Variants in FARS2 observed in about 807,000 individuals in gnomAD.
FARS2 encodes phenylalanine--tRNA ligase, mitochondrial.
Under a neutral mutation model 46.4 loss-of-function variants are expected in FARS2, and 40 were observed. That is an observed-to-expected ratio of 0.86 (90% CI 0.67 to 1.12). The LOEUF (loss-of-function observed/expected upper bound fraction) is 1.12. Among genes scored for constraint, FARS2 ranks in the 50% most tolerant of loss-of-function variants. The pLI is 0.00. For missense variants in FARS2, 513 were observed against 567.9 expected (o/e 0.90, Z 0.98); for synonymous variants, 234 against 214.9 (o/e 1.09, Z -0.78).
chr6:5,496,673 T>C (rs931303091), intron 4 of FARS2, among the ~76,000 whole-genome samples: 2 of 152,080 alleles, frequency 1.3e-5, no homozygotes, highest in African/African-American at 4.8e-5. Flanking sequence ...TGTGTCCTAA[T>C]CTCTTCTTCT....
intron 6 of FARS2, among the ~76,000 whole-genome samples, chr6:5,663,668 G>A (rs1449976330): frequency 6.6e-6 from 1 of 152,152 alleles, no homozygotes; most frequent in East Asian, 1.9e-4. Flanking sequence ...AGAAGGGGTG[G>A]CGCGGGCTCC....
chr6:5,485,763 G>C (rs1239359390), intron 4 of FARS2, among the ~76,000 whole-genome samples: 4 of 152,172 alleles, frequency 2.6e-5, no homozygotes. Flanking sequence ...CTGCTCTAGA[G>C]TGCCCTGTCC....
intron 1 of FARS2, among the ~76,000 whole-genome samples, chr6:5,285,763 G>A (rs1240506122): frequency 6.6e-6 from 1 of 152,178 alleles, no homozygotes; most frequent in Non-Finnish European, 1.5e-5. Flanking sequence ...ATCTCTGTGG[G>A]TAGTAAGGGG....
chr6:5,700,353 G>A (rs1347199466), intron 6 of FARS2, among the ~76,000 whole-genome samples: 1 of 151,950 alleles, frequency 6.6e-6, no homozygotes, highest in Non-Finnish European at 1.5e-5. Context: ...AGTTAACTTT[G>A]GGAGTTATAA....
chr6:5,647,099 G>A (rs1224109327), intron 6 of FARS2, among the ~76,000 whole-genome samples: 2 of 152,118 alleles, frequency 1.3e-5, no homozygotes, highest in South Asian at 4.1e-4. Flanking sequence ...TTTTTGTTGT[G>A]TTCCTCACCA....
chr6:5,404,620 C>T lies in FARS2; in HGVS notation c.691C>T (p.His231Tyr). Residue 231 changes from histidine to tyrosine, a missense_variant, in exon 3 of 7, where the codon CAC (histidine) becomes TAC (tyrosine). Coordinates refer to ENST00000274680, the MANE Select transcript of FARS2 (RefSeq NM_006567.5). Reference protein sequence around the residue: ...SSRSAHKQETHTMEAVKLVEF... With the variant: ...SSRSAHKQETYTMEAVKLVEF... ...TCGCTCTGCGCATAAACAAGAGACA[C>T]ACACCATGGAGGCCGTGAAGCTTGT... 1 of 1,613,356 alleles carries T rather than the reference C, an allele frequency of 6.2e-7. No homozygotes were observed. The highest frequency in any genetic ancestry group is 8.5e-7 in the Non-Finnish European group (1 of 1,179,494).
chr6:5,686,199 A>G lies in FARS2; in HGVS notation c.1217+72879A>G, dbSNP rs146568441. On this transcript the variant is annotated intron_variant, in intron 6 of 6. Coordinates refer to ENST00000274680, the MANE Select transcript of FARS2 (RefSeq NM_006567.5). ...ATGATAACAGTCTTTCTTTCTATGAACTTTTTTTAATTATTATTATACTTT... is the reference window on the plus strand; with the variant it reads ...ATGATAACAGTCTTTCTTTCTATGAGCTTTTTTTAATTATTATTATACTTT... Among the ~76,000 whole-genome samples the G allele has an allele frequency of 3.1e-3, 401 of 128,998 alleles. 1 individual carries two copies. The highest frequency in any genetic ancestry group is 0.011 in the African/African-American group (378 of 33,408). 84.6% of individuals were successfully genotyped at this position (128,998 alleles called of 152,430 possible).
intron 4 of FARS2, among the ~76,000 whole-genome samples, chr6:5,517,988 A>G (rs1327216947): frequency 6.6e-6 from 1 of 152,204 alleles, no homozygotes; most frequent in African/African-American, 2.4e-5. Flanking sequence ...AAATTAGGGC[A>G]TGGAAAGTCT....
At chr6:5,478,872 A>T (rs1458655553) in intron 4 of FARS2, among the ~76,000 whole-genome samples, 2 of 152,144 alleles carry the variant, frequency 1.3e-5, no homozygotes, top group Non-Finnish European at 2.9e-5. Context: ...CCAAGGAGAG[A>T]GTGCTCAGGC....
In FARS2 at chr6:5,558,045, T is replaced by C. The variant is rs547082297; in HGVS notation, c.1065+12705T>C. ...GGAACTCTCAAATGTTGATCAGAACTAATTCAAATGGAAAAGTCAAGGTTC... is the reference window on the plus strand; with the variant it reads ...GGAACTCTCAAATGTTGATCAGAACCAATTCAAATGGAAAAGTCAAGGTTC... On this transcript the variant is annotated intron_variant, in intron 5 of 6. Transcript: ENST00000274680. 8.5e-4 allele frequency among the ~76,000 whole-genome samples: 129 copies of C among 152,256 alleles called. 7 individuals carry two copies. The South Asian group carries it at 0.023, about 28-fold the overall frequency.
chr6:5,535,755 T>C (rs574325817), intron 4 of FARS2, among the ~76,000 whole-genome samples: 1 of 152,368 alleles, frequency 6.6e-6, no homozygotes, highest in Admixed American at 6.5e-5. Flanking sequence ...TTGGACTTTG[T>C]CAGATGCATT....
At chr6:5,396,624 A>C (rs1760918358) in intron 2 of FARS2, among the ~76,000 whole-genome samples, 1 of 152,208 alleles carries the variant, frequency 6.6e-6, no homozygotes, top group Admixed American at 6.5e-5. Context: ...ATTTTGTTAC[A>C]ATTTTTAGGC....
chr6:5,341,729 G>T (rs1771672363), intron 1 of FARS2, among the ~76,000 whole-genome samples: 1 of 152,038 alleles, frequency 6.6e-6, no homozygotes, highest in South Asian at 2.1e-4. Flanking sequence ...ATATTGGCCA[G>T]GCTGGTCTTG....
chr6:5,392,624 G>T (rs894337747), intron 2 of FARS2, among the ~76,000 whole-genome samples: 2 of 151,520 alleles, frequency 1.3e-5, no homozygotes, highest in African/African-American at 4.9e-5. Context: ...GGCTTAAGTG[G>T]GAGGATTGCT....
At chr6:5,536,919 A>AT (rs544161776) in intron 4 of FARS2, among the ~76,000 whole-genome samples, 7 of 152,194 alleles carry the variant, frequency 4.6e-5, no homozygotes, top group Non-Finnish European at 1.0e-4. Flanking sequence ...TGAAAAGCTA[A>AT]TTTTGTTGGA....
intron 6 of FARS2, among the ~76,000 whole-genome samples, chr6:5,637,424 C>A (rs1316188352): frequency 6.6e-6 from 1 of 152,330 alleles, no homozygotes; most frequent in South Asian, 2.1e-4. Context: ...TGCAGCGTTC[C>A]TGGCTGCCTT....
At position 5,568,176 on chromosome 6, in the gene FARS2, T is replaced by G. The variant is rs530015604; in HGVS notation, c.1065+22836T>G. 8.5e-5 allele frequency among the ~76,000 whole-genome samples: 13 copies of G among 152,308 alleles called. No individual in the cohort carries two copies. In the South Asian group the frequency reaches 2.7e-3, roughly 32 times the overall value. On this transcript the variant is annotated intron_variant, in intron 5 of 6. Transcript: ENST00000274680. Reference sequence around the variant, plus strand: ...TTGCTGTTTTTCTCTATGTGGCATTTTCTTTCACTCTGTCTCTTGTCACTC... The same window carrying G: ...TTGCTGTTTTTCTCTATGTGGCATTGTCTTTCACTCTGTCTCTTGTCACTC...
intron 2 of FARS2, among the ~76,000 whole-genome samples, chr6:5,378,695 G>C (rs956812856): frequency 6.6e-6 from 1 of 152,186 alleles, no homozygotes; most frequent in African/African-American, 2.4e-5. Context: ...GGCTTTGACA[G>C]ATTATAGTCC....
At chr6:5,733,526 A>G (rs1760773515) in intron 6 of FARS2, among the ~76,000 whole-genome samples, 1 of 152,228 alleles carries the variant, frequency 6.6e-6, no homozygotes, top group South Asian at 2.1e-4. Context: ...AAAACATTTC[A>G]TAGCCCCAGG....
Sources: allele counts gnomAD v4.1 joint callset (sites outside exome capture counted in the v4.1 genomes callset), GRCh38; gene constraint gnomAD v4.1.1; transcripts MANE v1.5; gene names NCBI Gene and HGNC (gene_info 2026-07-23, HGNC 2026-07-21).